Variants in ANKFN1 observed in about 807,000 individuals in gnomAD.
The protein encoded by ANKFN1 is ankyrin repeat and fibronectin type-III domain-containing protein 1.
Under a neutral mutation model 108.7 loss-of-function variants are expected in ANKFN1, and 74 were observed. The observed-to-expected ratio is 0.68, with a 90% CI of 0.56 to 0.83. The LOEUF is 0.83. Ranked by LOEUF, ANKFN1 falls within the 40% of genes least tolerant of loss-of-function variation. The pLI is 0.00. For synonymous variants in ANKFN1, 547 were observed against 516.2 expected (o/e 1.06, Z -0.81); for missense variants, 1,505 against 1,382.3 (o/e 1.09, Z -1.41).
intron 4 of ANKFN1, among the ~76,000 whole-genome samples, chr17:56,134,928 G>T (rs1907508671): frequency 6.6e-6 from 1 of 152,098 alleles, no homozygotes; most frequent in Non-Finnish European, 1.5e-5. Context: ...GACTCTTTGG[G>T]TAAAGTTGTG....
chr17:56,231,239 T>C (rs181693297), intron 3 of ANKFN1, among the ~76,000 whole-genome samples: 6 of 152,158 alleles, frequency 3.9e-5, no homozygotes, highest in African/African-American at 1.4e-4. Context: ...TCTTTAAGTA[T>C]TCCATCTCTA....
At chr17:56,385,231 A>G (rs1324776179) in intron 8 of ANKFN1, among the ~76,000 whole-genome samples, 1 of 152,242 alleles carries the variant, frequency 6.6e-6, no homozygotes, top group South Asian at 2.1e-4. Context: ...AGGATTCCCT[A>G]TTTAATAAAC....
At chr17:56,179,684 G>A (rs1398228503) in intron 1 of ANKFN1, among the ~76,000 whole-genome samples, 4 of 152,190 alleles carry the variant, frequency 2.6e-5, no homozygotes, top group South Asian at 2.1e-4. Context: ...CCTCAAGCAA[G>A]TCACTTTACC....
chr17:56,229,556 A>G (rs1300945879), intron 3 of ANKFN1, among the ~76,000 whole-genome samples: 2 of 151,256 alleles, frequency 1.3e-5, no homozygotes, highest in Non-Finnish European at 2.9e-5. Flanking sequence ...AGGGCAATTT[A>G]AGGCCGCATT....
chr17:56,496,949 T>A (rs953797798), intron 19 of ANKFN1, among the ~76,000 whole-genome samples: 1 of 152,088 alleles, frequency 6.6e-6, no homozygotes, highest in Non-Finnish European at 1.5e-5. Flanking sequence ...ACTCTGTTTG[T>A]GGGTAGAGAT....
intron 11 of ANKFN1, among the ~76,000 whole-genome samples, chr17:56,455,910 TTTC>T (rs1440069483): frequency 1.3e-5 from 2 of 152,208 alleles, no homozygotes; most frequent in African/African-American, 2.4e-5. Flanking sequence ...TCAGCCTCAG[TTTC>T]TTCTTCTGAA....
rs78223441 is a variant in ANKFN1, at chr17:56,423,260, C to T, written c.911-17067C>T. 4.9e-3 allele frequency among the ~76,000 whole-genome samples: 746 copies of T among 152,284 alleles called. 7 individuals are homozygous for T. The highest frequency in any genetic ancestry group is 0.016 in the African/African-American group (664 of 41,550). Reference sequence around the variant, plus strand: ...GCTGGAGCCACGCACCACACAGACACGTTGGGTCAACAGGAATTGAAGTCA... The same window carrying T: ...GCTGGAGCCACGCACCACACAGACATGTTGGGTCAACAGGAATTGAAGTCA... On this transcript the variant is annotated intron_variant, in intron 8 of 20. Coordinates refer to ENST00000682825, the MANE Select transcript of ANKFN1 (RefSeq NM_001370326.1).
At chr17:56,435,027 A>T (rs1313904277) in intron 8 of ANKFN1, among the ~76,000 whole-genome samples, 2 of 152,150 alleles carry the variant, frequency 1.3e-5, no homozygotes, top group Non-Finnish European at 2.9e-5. Context: ...GAGAGGCAGT[A>T]TGGACAAGTG....
At chr17:56,468,615 T>TG (rs139492357) in intron 15 of ANKFN1, among the ~76,000 whole-genome samples, 11,364 of 152,114 alleles carry the variant, frequency 0.075, 1,047 homozygotes, top group African/African-American at 0.22. Flanking sequence ...GAGCCATCTG[T>TG]GGTCACCCTA....
At chr17:56,189,176 T>TTTTTC (rs1912602923) in intron 1 of ANKFN1, among the ~76,000 whole-genome samples, 1 of 114,976 alleles carries the variant, frequency 8.7e-6, no homozygotes, top group Non-Finnish European at 1.6e-5. Context: ...CTGACTTTTT[T>TTTTTC]TTTTTTTTTT....
intron 10 of ANKFN1, among the ~76,000 whole-genome samples, chr17:56,446,504 T>A (rs185496023): frequency 1.3e-3 from 197 of 152,314 alleles, no homozygotes; most frequent in African/African-American, 4.6e-3. Flanking sequence ...CCAGTAAAAA[T>A]CCTTTCCTAT....
chr17:56,055,566 C>CATACATAT (rs1555588763), intron 4 of ANKFN1, among the ~76,000 whole-genome samples: 3 of 47,456 alleles, frequency 6.3e-5, no homozygotes, highest in East Asian at 9.6e-4. Flanking sequence ...GGTATATATA[C>CATACATAT]ATATATATAT....
chr17:56,281,666 A>G (rs905275705), intron 3 of ANKFN1, among the ~76,000 whole-genome samples: 4 of 152,196 alleles, frequency 2.6e-5, no homozygotes, highest in African/African-American at 7.2e-5. Context: ...AGACAACCCA[A>G]TTTTTAAAAC....
chr17:56,310,565 C>G (rs1203934831), intron 3 of ANKFN1, among the ~76,000 whole-genome samples: 1 of 150,036 alleles, frequency 6.7e-6, no homozygotes, highest in Non-Finnish European at 1.5e-5. Flanking sequence ...TGCAGTGAGC[C>G]GAGATCGAGC....
intron 16 of ANKFN1, among the ~76,000 whole-genome samples, chr17:56,480,026 C>T (rs2050641082): frequency 6.6e-6 from 1 of 152,162 alleles, no homozygotes; most frequent in Non-Finnish European, 1.5e-5. Flanking sequence ...TTCTGTGTGA[C>T]ATTTGGAAAA....
intron 4 of ANKFN1, among the ~76,000 whole-genome samples, chr17:56,047,822 G>A (rs369646902): frequency 6.6e-6 from 1 of 152,308 alleles, no homozygotes; most frequent in African/African-American, 2.4e-5. Flanking sequence ...ACAGTGGTGT[G>A]CCTTGGCAGA....
At chr17:56,056,870 T>C (rs534386461) in intron 4 of ANKFN1, among the ~76,000 whole-genome samples, 7 of 152,368 alleles carry the variant, frequency 4.6e-5, no homozygotes, top group East Asian at 3.9e-4. Context: ...TGTTTGACTT[T>C]GACTCTCTTT....
intron 4 of ANKFN1, among the ~76,000 whole-genome samples, chr17:56,060,960 G>A (rs1461374852): frequency 6.6e-6 from 1 of 152,154 alleles, no homozygotes; most frequent in Non-Finnish European, 1.5e-5. Context: ...AATGAGTTAG[G>A]GAGGAGTCCC....
At chr17:56,363,977 G>A (rs925183275) in intron 6 of ANKFN1, among the ~76,000 whole-genome samples, 1 of 152,094 alleles carries the variant, frequency 6.6e-6, no homozygotes, top group African/African-American at 2.4e-5. Context: ...CAAAATCTCA[G>A]ACAGGAGAAA....
Sources: allele counts gnomAD v4.1 joint callset (sites outside exome capture counted in the v4.1 genomes callset), GRCh38; gene constraint gnomAD v4.1.1; transcripts MANE v1.5; gene names NCBI Gene and HGNC (gene_info 2026-07-23, HGNC 2026-07-21).